Variants in GDF10 observed in about 807,000 individuals in gnomAD.
GDF10 encodes growth/differentiation factor 10.
Under a neutral mutation model 32.1 loss-of-function variants are expected in GDF10, and 23 were observed. That is an observed-to-expected ratio of 0.72 (90% CI 0.52 to 1.02). The LOEUF is 1.02. Ranked by LOEUF, GDF10 falls within the 50% of genes least tolerant of loss-of-function variation. The probability of loss-of-function intolerance (pLI) is 0.00; values close to 1 mark genes in which losing one functional copy is unlikely to be tolerated. For missense variants in GDF10, 764 were observed against 673.9 expected (o/e 1.13, Z -1.48); for synonymous variants, 328 against 303.1 (o/e 1.08, Z -0.85).
At chr10:47,304,136 C>A (rs1217576950) in intron 1 of GDF10, among the ~76,000 whole-genome samples, 2 of 152,190 alleles carry the variant, frequency 1.3e-5, no homozygotes, top group African/African-American at 4.8e-5. Flanking sequence ...GCAGGTGGGC[C>A]TTAGCCAGGT....
intron 2 of GDF10, among the ~76,000 whole-genome samples, chr10:47,311,095 C>T (rs1870174): frequency 0.87 from 132,060 of 152,224 alleles, 59,294 homozygotes; most frequent in Non-Finnish European, 0.98. Context: ...CAGAAGCTCC[C>T]TCCTGACCAA....
intron 1 of GDF10, among the ~76,000 whole-genome samples, chr10:47,302,803 T>A (rs779183468): frequency 2.9e-4 from 44 of 151,986 alleles, no homozygotes; most frequent in Non-Finnish European, 5.7e-4. Context: ...AGGGGTAGGG[T>A]GAAACAGACA....
intron 1 of GDF10, among the ~76,000 whole-genome samples, chr10:47,305,191 C>A (rs576056027): frequency 6.6e-6 from 1 of 152,178 alleles, no homozygotes; most frequent in African/African-American, 2.4e-5. Flanking sequence ...GGCAGGAGGT[C>A]AGGGAGCAAG....
chr10:47,300,716 C>CGTTGTTTCTGCT lies in GDF10; in HGVS notation c.70_81dup (p.Phe24_Leu27dup), dbSNP rs782551080. 6.3e-7 allele frequency: 1 copy of CGTTGTTTCTGCT among 1,591,044 alleles called. No individual in the cohort carries two copies. Among genetic ancestry groups the CGTTGTTTCTGCT allele is most frequent in the Non-Finnish European group, 8.5e-7 (1 of 1,171,656 alleles). The stretch of plus-strand genomic sequence containing the variant: ...CCCCAGCTGCTGCTGCTGCTGCTGC[C>CGTTGTTTCTGCT]GTTGTTTCTGCTGTTGCTCCGGGAT... On this transcript the variant is annotated inframe_insertion, in exon 1 of 3. Transcript: ENST00000580279.
chr10:47,310,848 C>A, intron 2 of GDF10, 127 bp downstream of exon 2: 1 of 682,182 alleles, frequency 1.5e-6, no homozygotes, highest in Non-Finnish European at 2.5e-6. Flanking sequence ...CCTATCTATT[C>A]CAGGCAGGAA....
At position 47,310,465 on chromosome 10, in the gene GDF10, C is replaced by A. The variant is rs782255447; in HGVS notation, c.989C>A (p.Ala330Glu). ...KHQLWPSPFR[A>E]LKPRPGRKDR... is the part of the protein sequence containing the mutation. ...CAGCTGTGGCCCAGCCCCTTCCGGGCGCTGAAACCCCGGCCAGGGCGCAAA... is the reference window on the plus strand; with the variant it reads ...CAGCTGTGGCCCAGCCCCTTCCGGGAGCTGAAACCCCGGCCAGGGCGCAAA... The change falls in exon 2 of 3, where the codon GCG becomes GAG. Residue 330 changes from alanine to glutamate, a missense_variant. Coordinates refer to ENST00000580279, the MANE Select transcript of GDF10 (RefSeq NM_004962.5). 2 of 1,613,628 alleles carry A rather than the reference C, an allele frequency of 1.2e-6. No individual in the cohort carries two copies. Among genetic ancestry groups the A allele is most frequent in the Non-Finnish European group, 8.5e-7 (1 of 1,179,734 alleles).
At chr10:47,309,486 T>C (rs1454778767) in intron 1 of GDF10, among the ~76,000 whole-genome samples, 1 of 152,216 alleles carries the variant, frequency 6.6e-6, no homozygotes, top group Non-Finnish European at 1.5e-5. Flanking sequence ...ACAGGAGCTT[T>C]GGAGTCCAGC....
At chr10:47,303,328 C>T (rs76421037) in intron 1 of GDF10, among the ~76,000 whole-genome samples, 3,592 of 152,292 alleles carry the variant, frequency 0.024, 70 homozygotes, top group East Asian at 0.09. Context: ...GCCTGCGATA[C>T]GTAACTATAC....
At position 47,310,561 on chromosome 10, in the gene GDF10, T is replaced by C. The variant is rs2061042203; in HGVS notation, c.1085T>C (p.Met362Thr). 1.2e-6 allele frequency: 2 copies of C among 1,614,086 alleles called. No individual in the cohort carries two copies. The highest frequency in any genetic ancestry group is 1.7e-6 in the Non-Finnish European group (2 of 1,180,040). ...SQVLDFDEKT[M>T]QKARRKQWDE... ...GTGCTGGACTTTGACGAGAAGACGA[T>C]GCAGAAAGCCCGGAGGAAGCAGTGG... Residue 362 changes from methionine (M) to threonine (T), a missense_variant, in exon 2 of 3, where the codon ATG (methionine) becomes ACG (threonine). Transcript: ENST00000580279.
Position 47,310,067 on chromosome 10 carries a change from G to T in GDF10, c.591G>T (p.Pro197=), listed in dbSNP as rs1382924562. Residue 197 remains proline (P), a synonymous_variant, in exon 2 of 3, where the codon CCG becomes CCT. Coordinates refer to ENST00000580279, the MANE Select transcript of GDF10 (RefSeq NM_004962.5). ...LRGAMALAPP[P]RGLWQAKDIS... ...GGGCCATGGCCCTGGCGCCCCCACCGCGCGGCCTGTGGCAGGCCAAGGACA... is the reference window on the plus strand; with the variant it reads ...GGGCCATGGCCCTGGCGCCCCCACCTCGCGGCCTGTGGCAGGCCAAGGACA... 1 of 1,605,636 alleles carries T rather than the reference G, an allele frequency of 6.2e-7. No individual in the cohort carries two copies. The highest frequency in any genetic ancestry group is 8.5e-7 in the Non-Finnish European group (1 of 1,176,658).
chr10:47,306,738 A>C (rs2061024274), intron 1 of GDF10, among the ~76,000 whole-genome samples: 8 of 152,186 alleles, frequency 5.3e-5, no homozygotes. Context: ...CCATTTGAGC[A>C]GATACCTGAA....
Position 47,309,908 on chromosome 10 carries a change from A to G in GDF10, c.432A>G (p.Arg144=), listed in dbSNP as rs2061037252. 1.2e-6 allele frequency: 2 copies of G among 1,612,724 alleles called. No homozygotes were observed. Among genetic ancestry groups the G allele is most frequent in the African/African-American group, 2.7e-5 (2 of 74,896 alleles). The change falls in exon 2 of 3, where the codon CGA becomes CGG. Residue 144 remains arginine (R), a synonymous_variant. Transcript: ENST00000580279. The part of the protein sequence containing the change: ...HFYSEPPRWP[R]ALEVLCKPRA... ...ACTCAGAGCCGCCTCGGTGGCCTCG[A>G]GCGCTCGAGGTGCTATGCAAGCCGC...
In GDF10 at chr10:47,303,341, CCCCCGCCA is replaced by C. The variant is rs1297229823; in HGVS notation, c.319+2374_319+2381del. Among the ~76,000 whole-genome samples the C allele has an allele frequency of 8.5e-5, 13 of 152,324 alleles. No individual in the cohort carries two copies. The East Asian group carries it at 2.5e-3, about 29-fold the overall frequency. On this transcript the variant is annotated intron_variant, in intron 1 of 2. Coordinates refer to ENST00000580279, the MANE Select transcript of GDF10 (RefSeq NM_004962.5). ...CAGCCTGCGATACGTAACTATACCT[CCCCCGCCA>C]CCGGGCAGTGCAGCTCAGCTGCCAA...
chr10:47,310,058 G>C lies in GDF10; in HGVS notation c.582G>C (p.Ala194=). 2 of 1,604,538 alleles carry C rather than the reference G, an allele frequency of 1.2e-6. No individual in the cohort carries two copies. Among genetic ancestry groups the C allele is most frequent in the Non-Finnish European group, 1.7e-6 (2 of 1,175,850 alleles). Residue 194 remains alanine (A), a synonymous_variant, in exon 2 of 3, where the codon GCG becomes GCC. Transcript: ENST00000580279. The part of the protein sequence containing the change: ...QGLLRGAMAL[A]PPPRGLWQAK... The stretch of plus-strand genomic sequence containing the variant: ...TACTCCGCGGGGCCATGGCCCTGGC[G>C]CCCCCACCGCGCGGCCTGTGGCAGG...
intron 2 of GDF10, among the ~76,000 whole-genome samples, chr10:47,311,918 G>A (rs1000095104): frequency 2.0e-5 from 3 of 152,206 alleles, no homozygotes; most frequent in Non-Finnish European, 4.4e-5. Flanking sequence ...TGGATGACCC[G>A]GTTGGTTCAT....
At position 47,310,432 on chromosome 10, in the gene GDF10, A is replaced by T. The variant is rs782486201; in HGVS notation, c.956A>T (p.His319Leu). Residue 319 changes from histidine (H) to leucine (L), a missense_variant, in exon 2 of 3, where the codon CAC becomes CTC. His to Leu is a moderately conservative substitution (Grantham distance 99). Transcript: ENST00000580279. ...CCGCGCGCCCACGCACAGCACTTCC[A>T]CAAGCACCAGCTGTGGCCCAGCCCC... ...RPPRAHAQHF[H>L]KHQLWPSPFR... 2 of 1,612,872 alleles carry T rather than the reference A, an allele frequency of 1.2e-6. No homozygotes were observed. The highest frequency in any genetic ancestry group is 2.7e-5 in the African/African-American group (2 of 74,914).
intron 2 of GDF10, among the ~76,000 whole-genome samples, 161 bp from the exon 3 acceptor site, chr10:47,312,440 C>T (rs969971900): frequency 1.3e-5 from 2 of 152,204 alleles, no homozygotes; most frequent in African/African-American, 4.8e-5. Context: ...CCGTGTGCCC[C>T]GCCTTGGGAT....
chr10:47,309,714 TTTG>T, intron 1 of GDF10, 79 bp from the exon 2 acceptor site: 1 of 870,562 alleles, frequency 1.1e-6, no homozygotes. Flanking sequence ...TCGGTGGGCG[TTTG>T]CTCCTCCAGC....
At chr10:47,303,256 G>C (rs757019211) in intron 1 of GDF10, among the ~76,000 whole-genome samples, 5 of 152,164 alleles carry the variant, frequency 3.3e-5, no homozygotes, top group Admixed American at 6.5e-5. Context: ...CCCAGTGGTG[G>C]GTTTCTGCTG....
Sources: gnomAD v4.1 joint callset for allele counts (sites outside exome capture counted in the v4.1 genomes callset) on GRCh38, gnomAD v4.1.1 for gene constraint, MANE v1.5 for transcripts, NCBI Gene and HGNC (gene_info 2026-07-23, HGNC 2026-07-21) for gene names.